Variants in FBXL17 observed in about 807,000 individuals in gnomAD.
FBXL17 encodes the protein F-box/LRR-repeat protein 17.
In FBXL17, 22 loss-of-function variants were observed where a neutral mutation model predicts 66.2. The ratio of observed to expected loss-of-function variants is 0.33; its 90% CI spans 0.24 to 0.47. The LOEUF is 0.47. Among genes scored for constraint, FBXL17 ranks in the 20% least tolerant of loss-of-function variants. FBXL17 has a pLI of 1.00. For missense variants in FBXL17, 878 were observed against 948.2 expected (o/e 0.93, Z 0.97); for synonymous variants, 474 against 400.5 (o/e 1.18, Z -2.19).
At chr5:107,927,887 A>G (rs574683780) in intron 7 of FBXL17, among the ~76,000 whole-genome samples, 1 of 152,106 alleles carries the variant, frequency 6.6e-6, no homozygotes, top group Non-Finnish European at 1.5e-5. Context: ...CATGTTGGCA[A>G]TTACTCTTTT....
chr5:107,899,322 G>A (rs1339964108), intron 7 of FBXL17, among the ~76,000 whole-genome samples: 1 of 152,160 alleles, frequency 6.6e-6, no homozygotes, highest in East Asian at 1.9e-4. Flanking sequence ...CTGATCAACA[G>A]TAGGCCATCA....
At chr5:107,942,558 G>T (rs1751142441) in intron 7 of FBXL17, among the ~76,000 whole-genome samples, 1 of 152,092 alleles carries the variant, frequency 6.6e-6, no homozygotes, top group South Asian at 2.1e-4. Context: ...CCAAGGGAGA[G>T]AACCAGGACA....
At chr5:108,116,806 C>A (rs1750276977) in intron 6 of FBXL17, among the ~76,000 whole-genome samples, 1 of 151,748 alleles carries the variant, frequency 6.6e-6, no homozygotes, top group Non-Finnish European at 1.5e-5. Flanking sequence ...GGATTAACAC[C>A]CAGGTATTTA....
At chr5:108,025,794 T>C (rs1049491652) in intron 6 of FBXL17, among the ~76,000 whole-genome samples, 3 of 151,284 alleles carry the variant, frequency 2.0e-5, no homozygotes, top group African/African-American at 7.3e-5. Flanking sequence ...TTACGAGATC[T>C]AAAGAGAGTA....
At chr5:108,149,555 A>T (rs1265016709) in intron 6 of FBXL17, among the ~76,000 whole-genome samples, 1 of 152,138 alleles carries the variant, frequency 6.6e-6, no homozygotes, top group African/African-American at 2.4e-5. Flanking sequence ...TTTTATTTTA[A>T]CTACCCTTGA....
At position 108,031,512 on chromosome 5, in the gene FBXL17, AT is replaced by A. The variant is rs373425073; in HGVS notation, c.1746-10512del. On this transcript the variant is annotated intron_variant, in intron 6 of 8. Transcript: ENST00000542267. The stretch of plus-strand genomic sequence containing the variant: ...ATATCATAGGAGTTAAAAAAATCAG[AT>A]GTTCAAAAGAAGCTACAAAAAGGCT... Among the ~76,000 whole-genome samples the A allele has an allele frequency of 4.8e-3, 736 of 152,154 alleles. 4 individuals are homozygous for A. Among genetic ancestry groups the A allele is most frequent in the African/African-American group, 0.017 (713 of 41,532 alleles).
chr5:108,031,221 A>G (rs1746623432), intron 6 of FBXL17, among the ~76,000 whole-genome samples: 1 of 152,172 alleles, frequency 6.6e-6, no homozygotes, highest in Admixed American at 6.6e-5. Flanking sequence ...TACTCCATAT[A>G]TTGCACAATT....
In FBXL17 at chr5:108,112,262, A is replaced by G. The variant is rs538534367; in HGVS notation, c.1745+73855T>C. On this transcript the variant is annotated intron_variant, in intron 6 of 8. Coordinates refer to ENST00000542267, the MANE Select transcript of FBXL17 (RefSeq NM_001163315.3). ...GAAAACTACTGAGGCCAGAGAAAGA[A>G]CCATCATTAAGGAATAAGTGGGAAA... Among the ~76,000 whole-genome samples, 7 of 152,322 alleles carry G rather than the reference A, an allele frequency of 4.6e-5. No homozygotes were observed. The South Asian group carries it at 1.5e-3, about 32-fold the overall frequency.
chr5:108,304,830 A>C (rs1211736509), intron 4 of FBXL17, among the ~76,000 whole-genome samples: 2 of 151,916 alleles, frequency 1.3e-5, no homozygotes, highest in Non-Finnish European at 2.9e-5. Flanking sequence ...ACTAAAAACT[A>C]TTTCCCTACC....
chr5:108,251,601 G>T (rs1165038653), intron 4 of FBXL17, among the ~76,000 whole-genome samples: 1 of 151,922 alleles, frequency 6.6e-6, no homozygotes, highest in Non-Finnish European at 1.5e-5. Context: ...AGAGAAGTTG[G>T]CAACAGGACA....
chr5:107,916,120 T>C (rs1017680138), intron 7 of FBXL17, among the ~76,000 whole-genome samples: 2 of 152,198 alleles, frequency 1.3e-5, no homozygotes, highest in African/African-American at 4.8e-5. Flanking sequence ...TGCTAGGCAG[T>C]GTACATGGTG....
chr5:108,354,568 T>G (rs1434868324), intron 3 of FBXL17, among the ~76,000 whole-genome samples: 2 of 151,898 alleles, frequency 1.3e-5, no homozygotes. Flanking sequence ...GAGAAACATT[T>G]GAAGCACTCC....
intron 7 of FBXL17, among the ~76,000 whole-genome samples, chr5:107,898,486 T>C (rs1749457766): frequency 6.6e-6 from 1 of 152,170 alleles, no homozygotes; most frequent in South Asian, 2.1e-4. Flanking sequence ...CTCTTCCTTA[T>C]GATTTTGTTA....
At chr5:108,268,284 T>C (rs1162866744) in intron 4 of FBXL17, among the ~76,000 whole-genome samples, 1 of 152,014 alleles carries the variant, frequency 6.6e-6, no homozygotes, top group Non-Finnish European at 1.5e-5. Context: ...TGTGGGTGTG[T>C]GTGTGTCTGC....
rs374658083 is a variant in FBXL17, at chr5:108,109,993, C to T, written c.1745+76124G>A. ...ATGAATATTTCCATTTAAAAGTCTG[C>T]CATATGACTGAGTCACATACCTTCA... On this transcript the variant is annotated intron_variant, in intron 6 of 8. Transcript: ENST00000542267. 9.1e-4 allele frequency among the ~76,000 whole-genome samples: 139 copies of T among 152,178 alleles called. 2 individuals carry two copies. In the South Asian group the frequency reaches 0.027, roughly 30 times the overall value.
chr5:108,210,412 A>G lies in FBXL17; in HGVS notation c.1614+13709T>C, dbSNP rs562479525. Among the ~76,000 whole-genome samples the G allele has an allele frequency of 3.0e-4, 45 of 152,234 alleles. 1 individual carries two copies. In the East Asian group the frequency reaches 8.3e-3, roughly 28 times the overall value. On this transcript the variant is annotated intron_variant, in intron 5 of 8. Transcript: ENST00000542267. ...TACTAATTTTGATGTTAGGGTGTCA[A>G]TTTTAGATCTTTCCTGCTTTCTCTT... is the stretch of plus-strand genomic sequence containing the variant.
intron 6 of FBXL17, among the ~76,000 whole-genome samples, chr5:108,089,521 C>T (rs1561404409): frequency 6.6e-6 from 1 of 152,186 alleles, no homozygotes; most frequent in Admixed American, 6.5e-5. Context: ...TCTCTACCTC[C>T]TCAGGGAAGA....
intron 6 of FBXL17, among the ~76,000 whole-genome samples, chr5:108,040,727 A>G (rs1237050878): frequency 6.6e-6 from 1 of 151,862 alleles, no homozygotes; most frequent in Non-Finnish European, 1.5e-5. Flanking sequence ...CAAAACAGTA[A>G]GTTAATTGCC....
At chr5:108,240,005 A>G (rs988586416) in intron 4 of FBXL17, among the ~76,000 whole-genome samples, 1 of 151,900 alleles carries the variant, frequency 6.6e-6, no homozygotes, top group Non-Finnish European at 1.5e-5. Flanking sequence ...GCCTGGAAGG[A>G]TTCATCATCT....
Sources: gnomAD v4.1 joint callset for allele counts (sites outside exome capture counted in the v4.1 genomes callset) on GRCh38, gnomAD v4.1.1 for gene constraint, MANE v1.5 for transcripts, NCBI Gene and HGNC (gene_info 2026-07-23, HGNC 2026-07-21) for gene names.